PAFAH2: variants seen among roughly 807,000 people sequenced by gnomAD.
PAFAH2 encodes platelet activating factor acetylhydrolase 2.
PAFAH2 carries 42 observed loss-of-function variants against 49.0 expected under a neutral mutation model. The observed-to-expected ratio is 0.86, with a 90% confidence interval of 0.67 to 1.11. The LOEUF is 1.11. PAFAH2 is among the 50% of genes least tolerant of loss of function. PAFAH2 has a pLI of 0.00. For missense variants in PAFAH2, 503 were observed against 501.8 expected, an observed-to-expected ratio of 1.00 and a Z score of -0.02; for synonymous variants, 184 against 181.3, an observed-to-expected ratio of 1.01 and a Z score of -0.12.
chr1:25,987,483 G>A (rs919657922), intron 4 of PAFAH2, among the ~76,000 whole-genome samples: 3 of 152,110 alleles, frequency 2.0e-5, no homozygotes, highest in Admixed American at 6.5e-5. Context: ...TGTAATCCCA[G>A]CACTTTGGGA....
rs2049706044 is a variant in PAFAH2 at position 25,982,491 on chromosome 1, AGTCCC to A, written c.553-19_553-15del. Reference sequence around the variant, plus strand: ...CCGCTGATGCACCTGCAACAGAGACAGTCCCAGTGGGACTGGAACACTCCACAACT... The same window carrying A: ...CCGCTGATGCACCTGCAACAGAGACAAGTGGGACTGGAACACTCCACAACT... On this transcript the variant is annotated splice_polypyrimidine_tract_variant and intron_variant, in intron 6 of 10. Transcript: ENST00000374282. 1 of 1,590,786 alleles carries A rather than the reference AGTCCC, an allele frequency of 6.3e-7. No homozygotes were observed. The highest frequency in any genetic ancestry group is 1.7e-5 in the Admixed American group (1 of 59,964).
intron 7 of PAFAH2, among the ~76,000 whole-genome samples, chr1:25,977,014 CTTTTTTTTTTTTT>C (rs201548055): frequency 4.5e-5 from 4 of 88,366 alleles, no homozygotes; most frequent in East Asian, 4.0e-4. Context: ...TTCATGTTTA[CTTTTTTTTTTTTT>C]TTTTTTTTTT....
Position 25,974,669 on chromosome 1 carries a change from T to A in PAFAH2, c.759-19A>T, listed in dbSNP as rs1347936769. 3 of 1,603,108 alleles carry A rather than the reference T, an allele frequency of 1.9e-6. No individual in the cohort carries two copies. Among genetic ancestry groups the A allele is most frequent in the East Asian group, 4.5e-5 (2 of 44,190 alleles). ...CGCACACCTGGAATAGGACCAGACA[T>A]TTGGAATTGCCATGCGGATCCCAGG... On this transcript the variant is annotated intron_variant, in intron 8 of 10. Transcript: ENST00000374282.
chr1:25,971,945 G>A (rs1196467903), intron 10 of PAFAH2, among the ~76,000 whole-genome samples: 2 of 152,176 alleles, frequency 1.3e-5, no homozygotes, highest in Non-Finnish European at 2.9e-5. Flanking sequence ...GTCTGGGTAA[G>A]GAGAGAGGTG....
intron 7 of PAFAH2, among the ~76,000 whole-genome samples, chr1:25,980,614 TATATATA>T (rs1557522610): frequency 6.8e-6 from 1 of 146,392 alleles, no homozygotes; most frequent in Non-Finnish European, 1.5e-5. Context: ...GCCATATTTA[TATATATA>T]TATATATATA....
intron 10 of PAFAH2, among the ~76,000 whole-genome samples, chr1:25,965,539 G>C (rs1180847419): frequency 6.6e-6 from 1 of 152,080 alleles, no homozygotes; most frequent in African/African-American, 2.4e-5. Flanking sequence ...GGAAAGGCTG[G>C]GCATGGTGGC....
intron 8 of PAFAH2, among the ~76,000 whole-genome samples, chr1:25,975,058 T>G (rs1326355390): frequency 6.6e-6 from 1 of 152,154 alleles, no homozygotes; most frequent in Non-Finnish European, 1.5e-5. Context: ...GAAGACAGAA[T>G]AGACAAAGTG....
chr1:25,977,974 G>C (rs769052808), intron 7 of PAFAH2, among the ~76,000 whole-genome samples: 33 of 152,024 alleles, frequency 2.2e-4, no homozygotes, highest in Non-Finnish European at 3.7e-4. Context: ...TGCTTCACAC[G>C]TATCTATTTC....
At chr1:25,979,612 C>A (rs1168253955) in intron 7 of PAFAH2, among the ~76,000 whole-genome samples, 2 of 152,132 alleles carry the variant, frequency 1.3e-5, no homozygotes, top group Admixed American at 6.6e-5. Context: ...CTCAGCCTCC[C>A]AAGTAGCTGG....
intron 1 of PAFAH2, among the ~76,000 whole-genome samples, chr1:25,996,861 T>G (rs1381971652): frequency 2.0e-5 from 3 of 152,242 alleles, no homozygotes; most frequent in African/African-American, 7.2e-5. Flanking sequence ...TGTTAGGAAC[T>G]AATTAACAAT....
chr1:25,985,497 C>T (rs541108339), intron 4 of PAFAH2, among the ~76,000 whole-genome samples: 3 of 152,280 alleles, frequency 2.0e-5, no homozygotes, highest in South Asian at 4.1e-4. Context: ...TTAACTGCCT[C>T]GCCCAGGTCT....
At chr1:25,972,757 C>T in intron 9 of PAFAH2, 45 bp from the exon 10 acceptor site, 1 of 1,608,832 alleles carries the variant, frequency 6.2e-7, no homozygotes, top group South Asian at 1.1e-5. Flanking sequence ...GCGGCTAGGG[C>T]ATACAGATGT....
intron 10 of PAFAH2, among the ~76,000 whole-genome samples, chr1:25,965,767 G>A (rs1408155923): frequency 5.6e-5 from 7 of 125,118 alleles, no homozygotes; most frequent in African/African-American, 2.2e-4. Context: ...ACAGTAAGCC[G>A]AGATCACACC....
chr1:25,973,485 T>G (rs966768560), intron 9 of PAFAH2, among the ~76,000 whole-genome samples: 1 of 152,164 alleles, frequency 6.6e-6, no homozygotes, highest in African/African-American at 2.4e-5. Flanking sequence ...CAGCACTCAG[T>G]TGAATAAACG....
intron 7 of PAFAH2, among the ~76,000 whole-genome samples, chr1:25,979,158 C>T (rs540926192): frequency 2.0e-5 from 3 of 152,222 alleles, no homozygotes; most frequent in Non-Finnish European, 4.4e-5. Context: ...AGAATATCTA[C>T]TTCCCCACAA....
chr1:25,983,042 A>G (rs1179229151), intron 6 of PAFAH2, among the ~76,000 whole-genome samples: 1 of 152,168 alleles, frequency 6.6e-6, no homozygotes, highest in Non-Finnish European at 1.5e-5. Context: ...ACTCAAACAC[A>G]GTCCTATTCT....
At chr1:25,962,504 G>A (rs573092408) in intron 10 of PAFAH2, among the ~76,000 whole-genome samples, 16 of 152,110 alleles carry the variant, frequency 1.1e-4, no homozygotes, top group Non-Finnish European at 1.8e-4. Context: ...TTAAGTGGTA[G>A]AGACAGAATT....
rs41334746 is a variant in PAFAH2, at chr1:25,960,072, G to T, written c.*1917C>A. 1.3e-5 allele frequency: 2 copies of T among 152,184 alleles called. No individual in the cohort carries two copies. The highest frequency in any genetic ancestry group is 4.8e-5 in the African/African-American group (2 of 41,442). The allele number at this position is 152,184 out of a possible 1,614,324, so 9.4% of individuals were successfully genotyped here. ...TGAGATAAGAAAGAGAATACCATTT[G>T]CTCAAATTTACCCAGTTGGCAGTGG... On this transcript the variant is annotated 3_prime_UTR_variant, in exon 11 of 11. Transcript: ENST00000374282.
At chr1:25,964,455 C>T (rs2049390770) in intron 10 of PAFAH2, among the ~76,000 whole-genome samples, 1 of 152,094 alleles carries the variant, frequency 6.6e-6, no homozygotes, top group Non-Finnish European at 1.5e-5. Context: ...CCTATAACAC[C>T]AGCACTTTGG....
Sources: allele counts gnomAD v4.1 joint callset (sites outside exome capture counted in the v4.1 genomes callset), GRCh38; gene constraint gnomAD v4.1.1; transcripts MANE v1.5; gene names NCBI Gene and HGNC (gene_info 2026-07-23, HGNC 2026-07-21).